SNX29: variants seen among roughly 807,000 people sequenced by gnomAD.
The protein encoded by SNX29 is sorting nexin-29.
A neutral mutation model predicts 102.1 loss-of-function variants in SNX29; 78 were observed. The ratio of observed to expected loss-of-function variants is 0.76; its 90% CI spans 0.64 to 0.92. SNX29 has a LOEUF of 0.92. Among genes scored for constraint, SNX29 ranks in the 40% least tolerant of loss-of-function variants. SNX29 has a pLI of 0.00. For missense variants in SNX29, 1,280 were observed against 1,061.7 expected (o/e 1.21, Z -2.86); for synonymous variants, 580 against 414.5 (o/e 1.40, Z -4.85).
intron 1 of SNX29, among the ~76,000 whole-genome samples, chr16:11,989,856 C>T (rs2055778969): frequency 6.6e-6 from 1 of 152,184 alleles, no homozygotes; most frequent in East Asian, 1.9e-4. Context: ...AGGAAGGCTT[C>T]TCTGAGAAGG....
chr16:12,170,107 T>C (rs2076110881), intron 13 of SNX29, among the ~76,000 whole-genome samples: 1 of 152,006 alleles, frequency 6.6e-6, no homozygotes, highest in Admixed American at 6.6e-5. Context: ...CCAGGAGTGC[T>C]CCTCCCTTCC....
intron 3 of SNX29, among the ~76,000 whole-genome samples, chr16:12,009,370 A>G (rs990886424): frequency 1.3e-5 from 2 of 151,528 alleles, no homozygotes; most frequent in Non-Finnish European, 2.9e-5. Context: ...GTGTGTGAGC[A>G]TGTTTTTGTA....
chr16:12,501,730 A>G (rs915399354), intron 19 of SNX29, among the ~76,000 whole-genome samples: 27 of 142,126 alleles, frequency 1.9e-4, no homozygotes, highest in African/African-American at 6.3e-4. Context: ...GTCTCAAAAA[A>G]AAAAAAAAAA....
At chr16:12,299,271 G>A (rs2080083413) in intron 15 of SNX29, among the ~76,000 whole-genome samples, 1 of 152,048 alleles carries the variant, frequency 6.6e-6, no homozygotes, top group Non-Finnish European at 1.5e-5. Flanking sequence ...CTGTACTCCA[G>A]CCTGGGTGAC....
At chr16:12,351,305 G>C (rs2081986036) in intron 15 of SNX29, among the ~76,000 whole-genome samples, 1 of 152,192 alleles carries the variant, frequency 6.6e-6, no homozygotes, top group Admixed American at 6.5e-5. Context: ...AGAGGCTTCA[G>C]GCCCCTCCCC....
intron 20 of SNX29, among the ~76,000 whole-genome samples, chr16:12,558,625 C>T (rs4781257): frequency 0.76 from 115,316 of 152,164 alleles, 44,355 homozygotes; most frequent in Middle Eastern, 0.85. Context: ...GTGCAGGCCC[C>T]GAGCTTAAAA....
chr16:12,269,883 T>TG (rs1324662422), intron 14 of SNX29, among the ~76,000 whole-genome samples: 1 of 151,696 alleles, frequency 6.6e-6, no homozygotes, highest in East Asian at 1.9e-4. Flanking sequence ...TTATTTGAGA[T>TG]GGGGTCTCAC....
At chr16:12,255,678 C>T (rs116962136) in intron 14 of SNX29, among the ~76,000 whole-genome samples, 365 of 152,284 alleles carry the variant, frequency 2.4e-3, no homozygotes, top group African/African-American at 6.3e-3. Flanking sequence ...ATATCCTCCA[C>T]GTTTATCCGT....
intron 19 of SNX29, chr16:12,515,593 G>A (rs1285759353): frequency 4.1e-6 from 2 of 489,470 alleles, no homozygotes; most frequent in Non-Finnish European, 8.1e-6. Context: ...GAATCTTCAG[G>A]TGACCTCCGA....
intron 14 of SNX29, among the ~76,000 whole-genome samples, chr16:12,259,671 A>G (rs1349564983): frequency 6.6e-6 from 1 of 152,172 alleles, no homozygotes; most frequent in Non-Finnish European, 1.5e-5. Flanking sequence ...CTAGTCTTCA[A>G]ACTGTAAGGT....
At chr16:12,051,793 C>G in intron 7 of SNX29, 54 bp from the exon 8 acceptor site, 1 of 1,582,726 alleles carries the variant, frequency 6.3e-7, no homozygotes, top group Non-Finnish European at 8.5e-7. Flanking sequence ...TTCCATCATC[C>G]TTTTGTCTTG....
chr16:12,118,234 C>G (rs764186335), intron 11 of SNX29, among the ~76,000 whole-genome samples: 3 of 150,530 alleles, frequency 2.0e-5, no homozygotes, highest in African/African-American at 4.9e-5. Flanking sequence ...GCTTTTAATT[C>G]TGGTGAGTAC....
chr16:12,134,235 A>G (rs368111615), intron 13 of SNX29, among the ~76,000 whole-genome samples: 1 of 152,224 alleles, frequency 6.6e-6, no homozygotes, highest in African/African-American at 2.4e-5. Flanking sequence ...TCATTTTCCA[A>G]TTCTTGTCAT....
At chr16:12,017,091 T>C (rs2056872547) in intron 3 of SNX29, among the ~76,000 whole-genome samples, 1 of 152,210 alleles carries the variant, frequency 6.6e-6, no homozygotes, top group East Asian at 1.9e-4. Flanking sequence ...ATTTTGCCAC[T>C]GCACTCCAGT....
intron 11 of SNX29, among the ~76,000 whole-genome samples, chr16:12,125,623 T>C (rs1297166248): frequency 2.3e-4 from 28 of 122,488 alleles, no homozygotes; most frequent in South Asian, 6.0e-4. Flanking sequence ...TTTTTTTTTT[T>C]TTTTTTTTTT....
intron 14 of SNX29, among the ~76,000 whole-genome samples, chr16:12,232,833 C>T (rs1252774582): frequency 6.6e-6 from 1 of 152,172 alleles, no homozygotes; most frequent in South Asian, 2.1e-4. Context: ...TTCAAAGTAT[C>T]CTATGGAGAC....
Position 12,001,038 on chromosome 16 carries a change from A to T in SNX29, c.69+1680A>T, listed in dbSNP as rs372440167. ...CTCTGCTGCAGAAATGGAAAATATA[A>T]TAAGGCGAAGAGGCAAGTTGAACTA... On this transcript the variant is annotated intron_variant, in intron 2 of 20. Coordinates refer to ENST00000566228, the MANE Select transcript of SNX29 (RefSeq NM_032167.5). Among the ~76,000 whole-genome samples, 100 of 152,318 alleles carry T rather than the reference A, an allele frequency of 6.6e-4. 3 individuals carry two copies. In the South Asian group the frequency reaches 0.02, roughly 31 times the overall value.
chr16:12,473,873 T>C (rs1034446634), intron 18 of SNX29, among the ~76,000 whole-genome samples: 1 of 152,156 alleles, frequency 6.6e-6, no homozygotes, highest in African/African-American at 2.4e-5. Context: ...GAATAATCCA[T>C]TTCTTGTTTA....
intron 16 of SNX29, among the ~76,000 whole-genome samples, chr16:12,379,921 A>G (rs1021663630): frequency 6.6e-6 from 1 of 152,120 alleles, no homozygotes; most frequent in Non-Finnish European, 1.5e-5. Flanking sequence ...ACTTTTCCAT[A>G]TGAATATTTC....
Sources: allele counts gnomAD v4.1 joint callset (sites outside exome capture counted in the v4.1 genomes callset), GRCh38; gene constraint gnomAD v4.1.1; transcripts MANE v1.5; gene names NCBI Gene and HGNC (gene_info 2026-07-23, HGNC 2026-07-21).